The following TMPRSS11F variants were observed in gnomAD, a reference collection of about 807,000 sequenced individuals.
The protein encoded by TMPRSS11F is transmembrane serine protease 11F.
In TMPRSS11F, 47 loss-of-function variants were observed where a neutral mutation model predicts 60.2. That is an observed-to-expected ratio of 0.78 (90% confidence interval 0.62 to 1.00). The LOEUF (loss-of-function observed/expected upper bound fraction) is 1.00, where lower values mean the gene tolerates loss of function less well. Among genes scored for constraint, TMPRSS11F ranks in the 50% least tolerant of loss-of-function variants. The probability of loss-of-function intolerance (pLI) is 0.00; values close to 1 mark genes in which losing one functional copy is unlikely to be tolerated. For missense variants in TMPRSS11F, 519 were observed against 522.9 expected (o/e 0.99, Z 0.07); for synonymous variants, 166 against 167.3 (o/e 0.99, Z 0.06).
chr4:68,112,665 G>A (rs780471686), intron 1 of TMPRSS11F, among the ~76,000 whole-genome samples: 3 of 152,076 alleles, frequency 2.0e-5, no homozygotes, highest in African/African-American at 7.2e-5. Flanking sequence ...CAGCTAGACA[G>A]TAAACTCCAC....
chr4:68,104,090 A>C (rs1724251345), intron 1 of TMPRSS11F, among the ~76,000 whole-genome samples: 1 of 152,176 alleles, frequency 6.6e-6, no homozygotes, highest in Non-Finnish European at 1.5e-5. Context: ...ATCATGTCAG[A>C]ATAATTTTAC....
At chr4:68,121,375 C>T (rs1028262283) in intron 1 of TMPRSS11F, among the ~76,000 whole-genome samples, 1 of 152,144 alleles carries the variant, frequency 6.6e-6, no homozygotes, top group African/African-American at 2.4e-5. Context: ...GTGTCCAGTA[C>T]ACTCTCTTCT....
intron 3 of TMPRSS11F, among the ~76,000 whole-genome samples, chr4:68,076,290 A>G (rs1358730288): frequency 6.6e-6 from 1 of 152,230 alleles, no homozygotes; most frequent in Non-Finnish European, 1.5e-5. Context: ...CTTTAACTAT[A>G]GTCATTGAAA....
rs547376547 is a variant in TMPRSS11F at position 68,091,101 on chromosome 4, C to CT, written c.164-461dup. Among the ~76,000 whole-genome samples the CT allele has an allele frequency of 1.5e-3, 232 of 152,220 alleles. 1 individual carries two copies. Among genetic ancestry groups the CT allele is most frequent in the African/African-American group, 5.5e-3 (230 of 41,550 alleles). On this transcript the variant is annotated intron_variant, in intron 2 of 9. Transcript: ENST00000356291. ...AGTCCATATTTATTGTTTTCACCTT[C>CT]TTTTTTTCCCATTCACTCCCTAATT...
intron 8 of TMPRSS11F, among the ~76,000 whole-genome samples, chr4:68,063,537 C>T (rs1723250818): frequency 1.3e-5 from 2 of 151,868 alleles, no homozygotes; most frequent in Non-Finnish European, 2.9e-5. Context: ...CCACCATGCC[C>T]TGTTAATTTT....
intron 2 of TMPRSS11F, among the ~76,000 whole-genome samples, chr4:68,094,410 G>A (rs1358849797): frequency 9.6e-6 from 1 of 104,168 alleles, no homozygotes; most frequent in African/African-American, 3.6e-5. Context: ...GGGGTGGGGG[G>A]AGGGGGGAGG....
intron 8 of TMPRSS11F, chr4:68,063,147 A>T: frequency 1.6e-6 from 1 of 611,972 alleles, no homozygotes; most frequent in Non-Finnish European, 3.2e-6. Context: ...GAGAAAAAGA[A>T]GCAGCATCAG....
chr4:68,103,719 A>T (rs1724240363), intron 1 of TMPRSS11F, among the ~76,000 whole-genome samples: 1 of 152,000 alleles, frequency 6.6e-6, no homozygotes, highest in Admixed American at 6.6e-5. Context: ...TTCGATAGGG[A>T]TTGTGTTAGA....
intron 5 of TMPRSS11F, among the ~76,000 whole-genome samples, chr4:68,070,444 A>T (rs77610239): frequency 0.036 from 5,428 of 152,264 alleles, 274 homozygotes; most frequent in African/African-American, 0.11. Flanking sequence ...ATGGAGCTAA[A>T]TGCATCACAG....
chr4:68,117,357 C>T (rs1291256272), intron 1 of TMPRSS11F, among the ~76,000 whole-genome samples: 1 of 149,622 alleles, frequency 6.7e-6, no homozygotes, highest in Non-Finnish European at 1.5e-5. Context: ...GTCCCAGCTG[C>T]TCGGGGGGCT....
intron 3 of TMPRSS11F, among the ~76,000 whole-genome samples, chr4:68,076,915 A>T (rs952903274): frequency 2.0e-5 from 3 of 152,312 alleles, no homozygotes; most frequent in Admixed American, 2.0e-4. Context: ...AACAACAGTA[A>T]AACACTTGCT....
At chr4:68,127,106 T>C (rs144709556) in intron 1 of TMPRSS11F, among the ~76,000 whole-genome samples, 1 of 152,318 alleles carries the variant, frequency 6.6e-6, no homozygotes, top group Non-Finnish European at 1.5e-5. Flanking sequence ...AAATTTAACC[T>C]GGTGCAAAAG....
intron 1 of TMPRSS11F, among the ~76,000 whole-genome samples, chr4:68,120,649 A>G (rs932093749): frequency 2.6e-5 from 4 of 152,084 alleles, no homozygotes; most frequent in Non-Finnish European, 5.9e-5. Flanking sequence ...CGGCCTCCCA[A>G]AGTGCTGGGA....
intron 1 of TMPRSS11F, 48 bp downstream of exon 1, chr4:68,129,762 A>G: frequency 6.3e-7 from 1 of 1,591,734 alleles, no homozygotes; most frequent in Non-Finnish European, 8.6e-7. Flanking sequence ...GGAATTGTAA[A>G]CCTCTGTCCC....
chr4:68,077,225 C>A (rs992454138), intron 3 of TMPRSS11F: 7 of 152,244 alleles, frequency 4.6e-5, no homozygotes, highest in Admixed American at 1.3e-4. Flanking sequence ...GGGAAAAGTC[C>A]CTAGTCCAAC....
chr4:68,065,779 A>C (rs1232230383), intron 7 of TMPRSS11F, among the ~76,000 whole-genome samples: 4 of 151,614 alleles, frequency 2.6e-5, no homozygotes, highest in African/African-American at 9.7e-5. Context: ...AAAAAAAAAA[A>C]CCTGAAAGAT....
chr4:68,092,247 G>A (rs1723958561), intron 2 of TMPRSS11F, among the ~76,000 whole-genome samples: 1 of 152,060 alleles, frequency 6.6e-6, no homozygotes, highest in Admixed American at 6.6e-5. Context: ...AATCTGGAAT[G>A]ACCAGAAAAT....
At chr4:68,091,881 G>A (rs1308647509) in intron 2 of TMPRSS11F, among the ~76,000 whole-genome samples, 4 of 151,632 alleles carry the variant, frequency 2.6e-5, no homozygotes, top group Non-Finnish European at 5.9e-5. Context: ...CCACCTCCTA[G>A]GTTCAAGTGA....
At chr4:68,123,117 A>G (rs992700892) in intron 1 of TMPRSS11F, among the ~76,000 whole-genome samples, 2 of 152,246 alleles carry the variant, frequency 1.3e-5, no homozygotes, top group Non-Finnish European at 2.9e-5. Context: ...CAGTTTCGTT[A>G]TAAGTAATGT....
Sources: allele counts gnomAD v4.1 joint callset (sites outside exome capture counted in the v4.1 genomes callset), GRCh38; gene constraint gnomAD v4.1.1; transcripts MANE v1.5; gene names NCBI Gene and HGNC (gene_info 2026-07-23, HGNC 2026-07-21).